The following PTPRM variants were observed in gnomAD, a reference collection of about 807,000 sequenced individuals.
PTPRM encodes receptor-type tyrosine-protein phosphatase mu.
A neutral mutation model predicts 186.7 loss-of-function variants in PTPRM; 47 were observed. That is an observed-to-expected ratio of 0.25 (90% confidence interval 0.20 to 0.32). PTPRM has a LOEUF of 0.32. Ranked by LOEUF, PTPRM falls within the 10% of genes least tolerant of loss-of-function variation. The pLI, the probability that PTPRM is intolerant of heterozygous loss-of-function variation, is 1.00. For missense variants in PTPRM, 1,494 were observed against 1,865.0 expected (o/e 0.80, Z 3.66); for synonymous variants, 668 against 674.9 (o/e 0.99, Z 0.16).
At chr18:8,340,619 A>G (rs111654094) in intron 22 of PTPRM, among the ~76,000 whole-genome samples, 2 of 152,334 alleles carry the variant, frequency 1.3e-5, no homozygotes, top group African/African-American at 2.4e-5. Context: ...AGTTCCTTCT[A>G]CATCCAAGCA....
Position 7,668,638 on chromosome 18 carries a change from C to G in PTPRM, c.73+100747C>G, listed in dbSNP as rs548562434. Among the ~76,000 whole-genome samples the G allele has an allele frequency of 6.6e-6, 1 of 152,252 alleles. No homozygotes were observed. The highest frequency in any genetic ancestry group is 2.4e-5 in the African/African-American group (1 of 41,558). On this transcript the variant is annotated intron_variant, in intron 1 of 32. Transcript: ENST00000580170. This position sits in a 1 kb window ranked among gnomAD's most constrained non-coding sequence, Gnocchi z 4.7. ...ACCTTCTGTCTCTCTGCCCCTCATG[C>G]AGCTGCCTCCTGCCAGTGGGGCCTC...
intron 14 of PTPRM, among the ~76,000 whole-genome samples, chr18:8,206,394 G>A (rs960309749): frequency 5.9e-5 from 9 of 151,974 alleles, no homozygotes; most frequent in Non-Finnish European, 2.9e-5. Context: ...AGCTACAGGC[G>A]CCCGCCACCA....
intron 1 of PTPRM, among the ~76,000 whole-genome samples, chr18:7,630,259 G>A (rs1389781624): frequency 2.6e-5 from 4 of 152,254 alleles, no homozygotes; most frequent in African/African-American, 7.2e-5. Context: ...TGGTGGAGAG[G>A]AGGAAAACCA....
intron 7 of PTPRM, among the ~76,000 whole-genome samples, chr18:8,002,281 A>T (rs978143844): frequency 5.9e-5 from 9 of 152,192 alleles, no homozygotes; most frequent in Admixed American, 2.6e-4. Context: ...TTAGAAGCAA[A>T]TGTTCAGAAG....
chr18:7,985,011 A>G (rs2082823755), intron 7 of PTPRM, among the ~76,000 whole-genome samples: 1 of 126,730 alleles, frequency 7.9e-6, no homozygotes, highest in Admixed American at 8.6e-5. Context: ...TTGTATATAC[A>G]TATAATTATA....
chr18:7,864,335 A>T (rs1280259862), intron 2 of PTPRM, among the ~76,000 whole-genome samples: 1 of 152,176 alleles, frequency 6.6e-6, no homozygotes, highest in Non-Finnish European at 1.5e-5. Context: ...TTTAGGTCTT[A>T]TGTTTAAGTT....
intron 19 of PTPRM, among the ~76,000 whole-genome samples, chr18:8,294,723 A>T (rs2095077366): frequency 1.3e-5 from 2 of 152,252 alleles, no homozygotes; most frequent in African/African-American, 4.8e-5. Flanking sequence ...AACTATTATG[A>T]TAATGAAGTG....
At chr18:8,138,280 G>C (rs1446577570) in intron 13 of PTPRM, among the ~76,000 whole-genome samples, 1 of 150,702 alleles carries the variant, frequency 6.6e-6, no homozygotes, top group Non-Finnish European at 1.5e-5. Flanking sequence ...GGCTCTGCAT[G>C]CTCTTGGATA....
intron 14 of PTPRM, among the ~76,000 whole-genome samples, chr18:8,214,687 G>A (rs1046486952): frequency 9.9e-5 from 15 of 151,976 alleles, no homozygotes; most frequent in African/African-American, 3.1e-4. Context: ...ATTTTGAGAT[G>A]GAGCCTCTCT....
chr18:8,068,881 C>T (rs545756720), intron 7 of PTPRM, among the ~76,000 whole-genome samples: 252 of 152,162 alleles, frequency 1.7e-3, no homozygotes, highest in African/African-American at 5.5e-3. Context: ...AGGCGGATCA[C>T]GAGGTCAGGA....
In PTPRM at chr18:7,602,461, T is replaced by A. The variant is rs560094819; in HGVS notation, c.73+34570T>A. On this transcript the variant is annotated intron_variant, in intron 1 of 32. Coordinates refer to ENST00000580170, the MANE Select transcript of PTPRM (RefSeq NM_001105244.2). ...TTTTTTTTTTGAGACAGGGTCTTGCTCTGTAGCCCATGCTGGAGTGCAGTG... is the reference window on the plus strand; with the variant it reads ...TTTTTTTTTTGAGACAGGGTCTTGCACTGTAGCCCATGCTGGAGTGCAGTG... Among the ~76,000 whole-genome samples the A allele has an allele frequency of 7.3e-5, 11 of 151,716 alleles. No individual in the cohort carries two copies. In the South Asian group the frequency reaches 1.7e-3, roughly 23 times the overall value.
intron 14 of PTPRM, among the ~76,000 whole-genome samples, chr18:8,204,634 C>G (rs534657089): frequency 6.6e-6 from 1 of 152,138 alleles, no homozygotes; most frequent in East Asian, 1.9e-4. Flanking sequence ...GAGCCATGTG[C>G]TAGGAGGGCC....
At chr18:7,872,349 A>G (rs543139909) in intron 2 of PTPRM, among the ~76,000 whole-genome samples, 2 of 152,262 alleles carry the variant, frequency 1.3e-5, no homozygotes, top group Admixed American at 6.5e-5. Context: ...TTAGATTACC[A>G]TTGGTCTACT....
chr18:7,643,370 C>T (rs539893445), intron 1 of PTPRM, among the ~76,000 whole-genome samples: 91 of 152,130 alleles, frequency 6.0e-4, no homozygotes, highest in African/African-American at 2.1e-3. Flanking sequence ...GACAGAGTCT[C>T]GCTCTGTTGA....
At chr18:8,316,067 T>C (rs376353006) in intron 21 of PTPRM, among the ~76,000 whole-genome samples, 1 of 152,180 alleles carries the variant, frequency 6.6e-6, no homozygotes, top group South Asian at 2.1e-4. Flanking sequence ...TCCAGACCAG[T>C]TATCTCCTCC....
intron 20 of PTPRM, among the ~76,000 whole-genome samples, chr18:8,297,212 T>C (rs1414155103): frequency 2.0e-5 from 3 of 152,200 alleles, no homozygotes; most frequent in Non-Finnish European, 2.9e-5. Context: ...ACATAATTAA[T>C]ACTATTTATA....
intron 3 of PTPRM, among the ~76,000 whole-genome samples, chr18:7,904,507 AATC>A (rs2049873727): frequency 6.6e-6 from 1 of 152,214 alleles, no homozygotes. Context: ...ACATAAATGG[AATC>A]ATAGAGTACA....
chr18:7,980,819 C>G (rs1158082069), intron 7 of PTPRM, among the ~76,000 whole-genome samples: 1 of 152,182 alleles, frequency 6.6e-6, no homozygotes, highest in Non-Finnish European at 1.5e-5. Context: ...ATTCTTCTCA[C>G]AGCCAGGCAT....
intron 1 of PTPRM, among the ~76,000 whole-genome samples, chr18:7,760,235 C>T (rs1437642477): frequency 6.6e-6 from 1 of 152,138 alleles, no homozygotes; most frequent in Non-Finnish European, 1.5e-5. Flanking sequence ...CAACAGTCCA[C>T]CTGATCTAAC....
Sources: allele counts gnomAD v4.1 joint callset (sites outside exome capture counted in the v4.1 genomes callset), GRCh38; gene constraint gnomAD v4.1.1; non-coding constraint Gnocchi (gnomAD v3.1); transcripts MANE v1.5; gene names NCBI Gene and HGNC (gene_info 2026-07-23, HGNC 2026-07-21).